The following NR3C2 variants were observed in gnomAD, a reference collection of about 807,000 sequenced individuals.
The protein encoded by NR3C2 is nuclear receptor subfamily 3 group C member 2.
Under a neutral mutation model 86.4 loss-of-function variants are expected in NR3C2, and 15 were observed. The observed-to-expected ratio is 0.17, with a 90% confidence interval of 0.12 to 0.27. NR3C2 has a LOEUF of 0.27. Ranked by LOEUF, NR3C2 falls within the 10% of genes least tolerant of loss-of-function variation. NR3C2 has a pLI of 1.00. For missense variants in NR3C2, 960 were observed against 1,195.6 expected, an observed-to-expected ratio of 0.80 and a Z score of 2.91; for synonymous variants, 458 against 450.5, an observed-to-expected ratio of 1.02 and a Z score of -0.21.
At chr4:148,185,296 C>T (rs1735839789) in intron 4 of NR3C2, among the ~76,000 whole-genome samples, 1 of 152,172 alleles carries the variant, frequency 6.6e-6, no homozygotes. Flanking sequence ...AGGGCATGCC[C>T]CCTTAGCCAG....
chr4:148,343,321 T>C (rs1395594866), intron 2 of NR3C2, among the ~76,000 whole-genome samples: 3 of 152,120 alleles, frequency 2.0e-5, no homozygotes, highest in African/African-American at 7.2e-5. Context: ...AGTAAGAGGG[T>C]TTAACCCTTT....
chr4:148,353,655 A>G (rs1362602787), intron 2 of NR3C2, among the ~76,000 whole-genome samples: 1 of 152,192 alleles, frequency 6.6e-6, no homozygotes, highest in East Asian at 1.9e-4. Flanking sequence ...TACAGAGTAG[A>G]AAACCATATT....
At chr4:148,234,487 C>T (rs761705525) in intron 3 of NR3C2, among the ~76,000 whole-genome samples, 22 of 152,038 alleles carry the variant, frequency 1.4e-4, no homozygotes, top group South Asian at 6.2e-4. Context: ...CTGGCTAACA[C>T]GGTGAAACCC....
chr4:148,422,188 G>C (rs1239775172), intron 2 of NR3C2, among the ~76,000 whole-genome samples: 2 of 151,712 alleles, frequency 1.3e-5, no homozygotes, highest in Non-Finnish European at 2.9e-5. Flanking sequence ...CAAAATACAG[G>C]GTATATGTCA....
At chr4:148,439,635 C>T (rs1021026651) in intron 1 of NR3C2, among the ~76,000 whole-genome samples, 1 of 152,228 alleles carries the variant, frequency 6.6e-6, no homozygotes. Flanking sequence ...GGGCGGTCCA[C>T]TCTTGGCTTT....
At chr4:148,105,150 A>T (rs1376487145) in intron 8 of NR3C2, among the ~76,000 whole-genome samples, 2 of 152,228 alleles carry the variant, frequency 1.3e-5, no homozygotes, top group Non-Finnish European at 1.5e-5. Flanking sequence ...CCCACTAATT[A>T]TATGAACTAT....
At chr4:148,361,569 G>C (rs1745839418) in intron 2 of NR3C2, among the ~76,000 whole-genome samples, 1 of 152,112 alleles carries the variant, frequency 6.6e-6, no homozygotes, top group Non-Finnish European at 1.5e-5. Flanking sequence ...GTGGGCTCTG[G>C]TTTTAATCTC....
chr4:148,255,167 A>C lies in NR3C2; in HGVS notation c.1897+4811T>G, dbSNP rs188800266. ...TGCACACACAGCATTGACAGGGATA[A>C]TGTGGTTTATGACACAGTGAAACAC... On this transcript the variant is annotated intron_variant, in intron 3 of 8. Transcript: ENST00000358102. Among the ~76,000 whole-genome samples the C allele has an allele frequency of 2.0e-5, 3 of 152,270 alleles. No individual in the cohort carries two copies. The East Asian group carries it at 5.8e-4, about 29-fold the overall frequency.
chr4:148,292,034 T>C (rs1482751754), intron 2 of NR3C2, among the ~76,000 whole-genome samples: 1 of 152,128 alleles, frequency 6.6e-6, no homozygotes, highest in African/African-American at 2.4e-5. Context: ...GTACAGCTTC[T>C]ACTGAATGTA....
intron 8 of NR3C2, among the ~76,000 whole-genome samples, chr4:148,104,342 GTTTT>G (rs57175085): frequency 1.6e-5 from 1 of 63,794 alleles, no homozygotes; most frequent in Admixed American, 1.6e-4. Context: ...TTTTGGTTTG[GTTTT>G]TTTTTTTTTT....
intron 4 of NR3C2, among the ~76,000 whole-genome samples, chr4:148,159,991 C>G (rs73853778): frequency 0.01 from 1,571 of 152,258 alleles, 34 homozygotes; most frequent in African/African-American, 0.036. Context: ...GTGTGTGTAT[C>G]TGTGTGTGTG....
chr4:148,302,654 T>C (rs1413765429), intron 2 of NR3C2, among the ~76,000 whole-genome samples: 1 of 151,068 alleles, frequency 6.6e-6, no homozygotes, highest in Non-Finnish European at 1.5e-5. Context: ...ATCCCCTTGG[T>C]AAAACCGGCC....
At chr4:148,229,969 G>T (rs981153645) in intron 3 of NR3C2, among the ~76,000 whole-genome samples, 12 of 152,094 alleles carry the variant, frequency 7.9e-5, no homozygotes, top group African/African-American at 2.7e-4. Context: ...TGTTATCTAA[G>T]GTGATACCAA....
At chr4:148,324,300 T>C (rs555670464) in intron 2 of NR3C2, among the ~76,000 whole-genome samples, 447 of 152,146 alleles carry the variant, frequency 2.9e-3, no homozygotes, top group Non-Finnish European at 4.7e-3. Flanking sequence ...TGGCAGGACT[T>C]TTTTCTTTTT....
chr4:148,198,942 T>C (rs903436604), intron 3 of NR3C2, among the ~76,000 whole-genome samples: 4 of 151,456 alleles, frequency 2.6e-5, no homozygotes, highest in African/African-American at 7.3e-5. Context: ...TAGCCGGGCA[T>C]GGTGGCGGGT....
intron 2 of NR3C2, among the ~76,000 whole-genome samples, chr4:148,343,946 GA>G (rs1405161527): frequency 1.3e-5 from 2 of 152,090 alleles, no homozygotes; most frequent in African/African-American, 4.8e-5. Context: ...ACTGTTTGTT[GA>G]CTCTCGAGGA....
chr4:148,284,635 G>A (rs1741424785), intron 2 of NR3C2, among the ~76,000 whole-genome samples: 1 of 152,138 alleles, frequency 6.6e-6, no homozygotes, highest in Admixed American at 6.5e-5. Context: ...CAGCAAAGGA[G>A]GGTGAGAAAG....
chr4:148,133,286 A>G (rs970839834), intron 6 of NR3C2, among the ~76,000 whole-genome samples: 1 of 152,090 alleles, frequency 6.6e-6, no homozygotes, highest in African/African-American at 2.4e-5. Flanking sequence ...TTTTAATACT[A>G]AATTTCTGAA....
chr4:148,152,356 G>A, intron 6 of NR3C2, 113 bp downstream of exon 6: 2 of 1,194,634 alleles, frequency 1.7e-6, no homozygotes, highest in East Asian at 4.8e-5. Flanking sequence ...GTTAAAAAAT[G>A]CCAGTTTCAG....
Sources: allele counts gnomAD v4.1 joint callset (sites outside exome capture counted in the v4.1 genomes callset), GRCh38; gene constraint gnomAD v4.1.1; transcripts MANE v1.5; gene names NCBI Gene and HGNC (gene_info 2026-07-23, HGNC 2026-07-21).